PRDM16: variants seen among roughly 807,000 people sequenced by gnomAD.
PRDM16 encodes PR/SET domain 16.
PRDM16 carries 23 observed loss-of-function variants against 110.6 expected under a neutral mutation model. The ratio of observed to expected loss-of-function variants is 0.21; its 90% CI spans 0.15 to 0.29. PRDM16 has a LOEUF of 0.29. PRDM16 is among the 10% of genes least tolerant of loss of function. The pLI is 1.00. For missense variants in PRDM16, 1,615 were observed against 1,794.3 expected, an observed-to-expected ratio of 0.90 and a Z score of 1.81; for synonymous variants, 799 against 781.8, an observed-to-expected ratio of 1.02 and a Z score of -0.37.
intron 1 of PRDM16, among the ~76,000 whole-genome samples, chr1:3,180,942 A>C (rs200253284): frequency 6.9e-6 from 1 of 144,730 alleles, no homozygotes; most frequent in Admixed American, 6.9e-5. Context: ...CCACACACGC[A>C]GCCTTACACA....
rs546964266 is a variant in PRDM16, at chr1:3,078,943, G to A, written c.37+9647G>A. Among the ~76,000 whole-genome samples, 15 of 152,344 alleles carry A rather than the reference G, an allele frequency of 9.8e-5. No homozygotes were observed. The East Asian group carries it at 2.3e-3, about 24-fold the overall frequency. Reference sequence around the variant, plus strand: ...CTGCCCAATGGGCTGTAACAGCCTCGTCAGAGAGGCTGGTCATATCAGTCC... The same window carrying A: ...CTGCCCAATGGGCTGTAACAGCCTCATCAGAGAGGCTGGTCATATCAGTCC... On this transcript the variant is annotated intron_variant, in intron 1 of 16. Transcript: ENST00000270722.
At chr1:3,151,628 G>A (rs867681645) in intron 1 of PRDM16, among the ~76,000 whole-genome samples, 17 of 152,332 alleles carry the variant, frequency 1.1e-4, no homozygotes, top group Non-Finnish European at 2.1e-4. Context: ...AGAGGCCAGC[G>A]TCGACACTGC....
chr1:3,177,269 C>T (rs182257350), intron 1 of PRDM16, among the ~76,000 whole-genome samples: 3 of 152,320 alleles, frequency 2.0e-5, no homozygotes, highest in Admixed American at 1.3e-4. Flanking sequence ...ATCTATCAAG[C>T]ATCTATTCAC....
rs532997221 is a variant in PRDM16 at position 3,255,902 on chromosome 1, G to A, written c.438+11765G>A. ...CGCACTGACACCCGAAGCCAACCCC[G>A]TGGCCGCACCGACACCTGAAGCCAA... On this transcript the variant is annotated intron_variant, in intron 3 of 16. Coordinates refer to ENST00000270722, the MANE Select transcript of PRDM16 (RefSeq NM_022114.4). The surrounding 1 kb of genome is among the most constrained non-coding windows in gnomAD (Gnocchi z 4.7). Among the ~76,000 whole-genome samples the A allele has an allele frequency of 3.9e-3, 591 of 151,930 alleles. 3 individuals carry two copies. The highest frequency in any genetic ancestry group is 0.014 in the African/African-American group (562 of 41,398).
chr1:3,274,498 C>T (rs887424283), intron 3 of PRDM16, among the ~76,000 whole-genome samples: 2 of 152,180 alleles, frequency 1.3e-5, no homozygotes, highest in African/African-American at 2.4e-5. Flanking sequence ...AAGGAAGGTC[C>T]GTTCTGAAAG....
intron 1 of PRDM16, among the ~76,000 whole-genome samples, chr1:3,117,263 G>T (rs1443914339): frequency 6.6e-6 from 1 of 152,204 alleles, no homozygotes; most frequent in Non-Finnish European, 1.5e-5. Context: ...AACATGGCAA[G>T]TGGGGACCGG....
At position 3,190,662 on chromosome 1, in the gene PRDM16, C is replaced by G. The variant is rs149942907; in HGVS notation, c.387+4188C>G. 6.6e-6 allele frequency among the ~76,000 whole-genome samples: 1 copy of G among 152,260 alleles called. No homozygotes were observed. Among genetic ancestry groups the G allele is most frequent in the East Asian group, 1.9e-4 (1 of 5,164 alleles). On this transcript the variant is annotated intron_variant, in intron 2 of 16. Coordinates refer to ENST00000270722, the MANE Select transcript of PRDM16 (RefSeq NM_022114.4). The surrounding 1 kb of genome is among the most constrained non-coding windows in gnomAD (Gnocchi z 5.0). ...AGGAAGTGCACCCGAAATTCCTGGC[C>G]TCCTCCATCTGGACACAGCCGGGCT...
Position 3,319,424 on chromosome 1 carries a change from C to A in PRDM16, c.439-65728C>A, listed in dbSNP as rs975305844. ...ACCATGAGCGGGTCAGTGTTTGGGG[C>A]AGGGGGGCAGATATGCAGGGTGATG... On this transcript the variant is annotated intron_variant, in intron 3 of 16. Coordinates refer to ENST00000270722, the MANE Select transcript of PRDM16 (RefSeq NM_022114.4). Among the ~76,000 whole-genome samples, 4 of 152,146 alleles carry A rather than the reference C, an allele frequency of 2.6e-5. No individual in the cohort carries two copies. The East Asian group carries it at 7.7e-4, about 29-fold the overall frequency.
Position 3,321,817 on chromosome 1 carries a change from CAT to C in PRDM16, c.439-63334_439-63333del, listed in dbSNP as rs527520861. 2.5e-3 allele frequency among the ~76,000 whole-genome samples: 360 copies of C among 144,272 alleles called. 2 individuals carry two copies. Among genetic ancestry groups the C allele is most frequent in the African/African-American group, 8.9e-3 (347 of 38,782 alleles). The allele number at this position is 144,272 out of a possible 152,430, so 94.6% of individuals were successfully genotyped here. ...GTGTGCGTGCGTGTGTGTAGGTGCA[CAT>C]GTGTACATGTGTGCATTTGTGTGTG... On this transcript the variant is annotated intron_variant, in intron 3 of 16. Transcript: ENST00000270722.
chr1:3,071,319 G>C (rs909510), intron 1 of PRDM16, among the ~76,000 whole-genome samples: 93,913 of 152,254 alleles, frequency 0.62, 29,221 homozygotes, highest in East Asian at 0.79. Flanking sequence ...AGGACCAGAA[G>C]TGGTGCCTGG....
At position 3,069,316 on chromosome 1, in the gene PRDM16, C is replaced by CCGCGG; in HGVS notation, c.37+24_37+25insGCGCG. 7.7e-7 allele frequency: 1 copy of CCGCGG among 1,298,644 alleles called. No individual in the cohort carries two copies. Among genetic ancestry groups the CCGCGG allele is most frequent in the Non-Finnish European group, 1.0e-6 (1 of 999,434 alleles). 80.4% of individuals were successfully genotyped at this position (1,298,644 alleles called of 1,614,324 possible). ...CCAAAAGTAAGTCTCCCGCGCTCGG[C>CCGCGG]CGCGCCGCGCCGCCGGGGCCCGGGC... On this transcript the variant is annotated intron_variant, in intron 1 of 16. Transcript: ENST00000270722. This position sits in a 1 kb window ranked among gnomAD's most constrained non-coding sequence, Gnocchi z 6.1.
rs898885355 is a variant in PRDM16, at chr1:3,201,595, C to A, written c.387+15121C>A. On this transcript the variant is annotated intron_variant, in intron 2 of 16. Transcript: ENST00000270722. The surrounding 1 kb of genome is among the most constrained non-coding windows in gnomAD (Gnocchi z 4.1). ...AGCTGCCCTCTGAGGGACTTTTTGCCCCTGAGCATGGCCTCGGGGGCTGGG... is the reference window on the plus strand; with the variant it reads ...AGCTGCCCTCTGAGGGACTTTTTGCACCTGAGCATGGCCTCGGGGGCTGGG... Among the ~76,000 whole-genome samples, 1 of 152,190 alleles carries A rather than the reference C, an allele frequency of 6.6e-6. No homozygotes were observed. Among genetic ancestry groups the A allele is most frequent in the African/African-American group, 2.4e-5 (1 of 41,450 alleles).
At chr1:3,217,821 C>G (rs1209751746) in intron 2 of PRDM16, among the ~76,000 whole-genome samples, 5 of 152,220 alleles carry the variant, frequency 3.3e-5, no homozygotes, top group Admixed American at 6.5e-5. Flanking sequence ...GCTCTTCCCC[C>G]TAGAAGTATT....
chr1:3,189,297 C>T (rs911285292), intron 2 of PRDM16, among the ~76,000 whole-genome samples: 13 of 152,170 alleles, frequency 8.5e-5, no homozygotes, highest in Non-Finnish European at 1.8e-4. Flanking sequence ...GCAGTGAGCT[C>T]GGCCAGAGCA....
chr1:3,283,911 G>A (rs1354493308), intron 3 of PRDM16, among the ~76,000 whole-genome samples: 1 of 152,270 alleles, frequency 6.6e-6, no homozygotes, highest in Non-Finnish European at 1.5e-5. Flanking sequence ...CTCCGCGGGA[G>A]GAATGTGGCT....
At chr1:3,164,007 C>T (rs539752261) in intron 1 of PRDM16, among the ~76,000 whole-genome samples, 13 of 152,354 alleles carry the variant, frequency 8.5e-5, no homozygotes, top group Admixed American at 8.5e-4. Context: ...CAAGGCCCTG[C>T]TGGAATGTTC....
chr1:3,298,014 G>A (rs1343298095), intron 3 of PRDM16, among the ~76,000 whole-genome samples: 2 of 140,518 alleles, frequency 1.4e-5, no homozygotes, highest in African/African-American at 3.3e-5. Context: ...GCTCTGCAGG[G>A]AACAGCACGT....
At chr1:3,418,790 C>T (rs530375405) in intron 12 of PRDM16, 46 bp downstream of exon 12, 19 of 1,427,022 alleles carry the variant, frequency 1.3e-5, no homozygotes, top group Middle Eastern at 1.7e-4. Context: ...CGCCTGCCTC[C>T]GTGCACCGCT....
Position 3,434,729 on chromosome 1 carries a change from G to A in PRDM16, c.*918G>A, listed in dbSNP as rs188675955. 69 of 232,606 alleles carry A rather than the reference G, an allele frequency of 3.0e-4. No homozygotes were observed. Among genetic ancestry groups the A allele is most frequent in the African/African-American group, 1.4e-3 (64 of 45,422 alleles). The allele number at this position is 232,606 out of a possible 1,614,324, so 14.4% of individuals were successfully genotyped here. A position where few individuals can be genotyped will look rare whatever the true frequency, so the allele number is the denominator to read the frequency against. On this transcript the variant is annotated 3_prime_UTR_variant, in exon 17 of 17. Transcript: ENST00000270722. ...CCCTCAATTATATGGGGAAGTCGAGGGCCTGTGGCTTGGATCCGCCATGCA... is the reference window on the plus strand; with the variant it reads ...CCCTCAATTATATGGGGAAGTCGAGAGCCTGTGGCTTGGATCCGCCATGCA...
Sources: allele counts gnomAD v4.1 joint callset (sites outside exome capture counted in the v4.1 genomes callset), GRCh38; gene constraint gnomAD v4.1.1; non-coding constraint Gnocchi (gnomAD v3.1); transcripts MANE v1.5; gene names NCBI Gene and HGNC (gene_info 2026-07-23, HGNC 2026-07-21).